NYAP1: variants seen among roughly 807,000 people sequenced by gnomAD.
The protein encoded by NYAP1 is neuronal tyrosine phosphorylated phosphoinositide-3-kinase adaptor 1, also known as neuronal tyrosine-phosphorylated phosphoinositide-3-kinase adapter 1.
A neutral mutation model predicts 58.6 loss-of-function variants in NYAP1; 20 were observed. That is an observed-to-expected ratio of 0.34 (90% CI 0.24 to 0.50). The LOEUF (loss-of-function observed/expected upper bound fraction) is 0.50. Ranked by LOEUF, NYAP1 falls within the 20% of genes least tolerant of loss-of-function variation. The pLI, the probability that NYAP1 is intolerant of heterozygous loss-of-function variation, is 0.98. For synonymous variants in NYAP1, 572 were observed against 523.1 expected (o/e 1.09, Z -1.27); for missense variants, 1,150 against 1,194.5 (o/e 0.96, Z 0.55).
At position 100,488,438 on chromosome 7, in the gene NYAP1, T is replaced by G. The variant is rs1338832603; in HGVS notation, c.717T>G (p.Leu239=). The change falls in exon 4 of 7, where the codon CTT becomes CTG. Residue 239 remains leucine (L), a synonymous_variant. Coordinates refer to ENST00000300179, the MANE Select transcript of NYAP1 (RefSeq NM_173564.4). The surrounding 1 kb of genome is among the most constrained non-coding windows in gnomAD (Gnocchi z 5.9). ...RSGGGLAGPP[L]GGGGPTPPAG... is the part of the protein sequence containing the mutation. ...GAGGAGGCCTGGCTGGGCCCCCTCT[T>G]GGGGGTGGGGGCCCGACCCCTCCAG... is the stretch of plus-strand genomic sequence containing the variant. 16 of 1,603,660 alleles carry G rather than the reference T, an allele frequency of 1.0e-5. No individual in the cohort carries two copies. Among genetic ancestry groups the G allele is most frequent in the Admixed American group, 6.9e-5 (4 of 58,174 alleles).
chr7:100,486,869 C>A lies in NYAP1; in HGVS notation c.117C>A (p.Gly39=). The change falls in exon 3 of 7, where the codon GGC becomes GGA. Residue 39 remains glycine (G), a synonymous_variant. Transcript: ENST00000300179. The surrounding 1 kb of genome is among the most constrained non-coding windows in gnomAD (Gnocchi z 6.2). ...APAGSAGPAA[G]QGPGVRVRDI... ...CTGGCTCGGCTGGGCCCGCGGCCGGCCAGGGGCCTGGGGTCCGCGTGCGGG... is the reference window on the plus strand; with the variant it reads ...CTGGCTCGGCTGGGCCCGCGGCCGGACAGGGGCCTGGGGTCCGCGTGCGGG... 6.5e-7 allele frequency: 1 copy of A among 1,545,120 alleles called. No individual in the cohort carries two copies. The highest frequency in any genetic ancestry group is 1.4e-5 in the African/African-American group (1 of 72,912).
chr7:100,487,286 G>A lies in NYAP1; in HGVS notation c.430+104G>A. Reference sequence around the variant, plus strand: ...GAGGGTTCATTCAGGGAAGAACCAAGGAAGTGGAAGATTCCATTCTCAAAA... The same window carrying A: ...GAGGGTTCATTCAGGGAAGAACCAAAGAAGTGGAAGATTCCATTCTCAAAA... On this transcript the variant is annotated intron_variant, in intron 3 of 6. Coordinates refer to ENST00000300179, the MANE Select transcript of NYAP1 (RefSeq NM_173564.4). This position sits in a 1 kb window ranked among gnomAD's most constrained non-coding sequence, Gnocchi z 4.1. The A allele has an allele frequency of 1.6e-6, 2 of 1,223,536 alleles. No individual in the cohort carries two copies. The allele number at this position is 1,223,536 out of a possible 1,614,324, so 75.8% of individuals were successfully genotyped here.
chr7:100,485,266 G>A lies in NYAP1; in HGVS notation c.-46G>A. On this transcript the variant is annotated 5_prime_UTR_variant, in exon 2 of 7. In the 5' UTR this introduces an upstream ATG that the reference lacks. Transcript: ENST00000300179. This position sits in a 1 kb window ranked among gnomAD's most constrained non-coding sequence, Gnocchi z 5.7. ...CAGGGAGGGCCGCCCCCCGGGCCTGGTGGCACTGAGCAGGGCCCCCCAGCC... is the reference window on the plus strand; with the variant it reads ...CAGGGAGGGCCGCCCCCCGGGCCTGATGGCACTGAGCAGGGCCCCCCAGCC... 7.5e-7 allele frequency: 1 copy of A among 1,330,978 alleles called. No individual in the cohort carries two copies. The highest frequency in any genetic ancestry group is 1.1e-6 in the Non-Finnish European group (1 of 943,270). The allele number at this position is 1,330,978 out of a possible 1,614,324, so 82.4% of individuals were successfully genotyped here.
Position 100,489,060 on chromosome 7 carries a change from G to A in NYAP1, c.1339G>A (p.Ala447Thr), listed in dbSNP as rs748323067. 1.7e-5 allele frequency: 26 copies of A among 1,542,938 alleles called. No homozygotes were observed. Among genetic ancestry groups the A allele is most frequent in the Middle Eastern group, 1.7e-4 (1 of 5,956 alleles). Reference protein sequence around the residue: ...GAPAAPPAPAALLPGPPKDKA... With the variant: ...GAPAAPPAPATLLPGPPKDKA... ...GCCGGCAGCCCCCCCTGCCCCGGCC[G>A]CCTTGCTCCCCGGCCCCCCCAAGGA... The change falls in exon 4 of 7, where the codon GCC (alanine) becomes ACC (threonine). Residue 447 changes from alanine (A) to threonine (T), a missense_variant. By Grantham distance (58) the Ala-to-Thr change is moderately conservative. Transcript: ENST00000300179.
At position 100,488,584 on chromosome 7, in the gene NYAP1, C is replaced by T. The variant is rs574707021; in HGVS notation, c.863C>T (p.Pro288Leu). 20 of 1,611,272 alleles carry T rather than the reference C, an allele frequency of 1.2e-5. No individual in the cohort carries two copies. The highest frequency in any genetic ancestry group is 8.9e-5 in the East Asian group (4 of 44,858). Residue 288 changes from proline (P) to leucine (L), a missense_variant, in exon 4 of 7, where the codon CCG becomes CTG. Physicochemically the swap from Pro to Leu is moderately conservative, Grantham distance 98. Coordinates refer to ENST00000300179, the MANE Select transcript of NYAP1 (RefSeq NM_173564.4). The surrounding 1 kb of genome is among the most constrained non-coding windows in gnomAD (Gnocchi z 5.9). ...NGPPPLTATS[P>L]PQQPHALPPH... ...CCTCCACCATTGACGGCAACATCCC[C>T]GCCACAACAGCCTCACGCCCTTCCG...
rs1185362631 is a variant in NYAP1 at position 100,490,537 on chromosome 7, G to A, written c.1966G>A (p.Ala656Thr). 1 of 1,586,836 alleles carries A rather than the reference G, an allele frequency of 6.3e-7. No individual in the cohort carries two copies. Among genetic ancestry groups the A allele is most frequent in the Non-Finnish European group, 8.6e-7 (1 of 1,166,922 alleles). Residue 656 changes from alanine (A) to threonine (T), a missense_variant, in exon 5 of 7, where the codon GCC (alanine) becomes ACC (threonine). Ala to Thr is a moderately conservative substitution (Grantham distance 58). Coordinates refer to ENST00000300179, the MANE Select transcript of NYAP1 (RefSeq NM_173564.4). The surrounding 1 kb of genome is among the most constrained non-coding windows in gnomAD (Gnocchi z 4.6). ...ELDKVEDGAR[A>T]WNGSAEGPGK... Reference sequence around the variant, plus strand: ...AGCAGAGGTCGAGGACGGTGCCCGGGCCTGGAATGGCAGTGCCGAGGGTCC... The same window carrying A: ...AGCAGAGGTCGAGGACGGTGCCCGGACCTGGAATGGCAGTGCCGAGGGTCC...
In NYAP1 at chr7:100,493,657, G is replaced by A. The variant is rs1368685450; in HGVS notation, c.2280G>A (p.Ala760=). The A allele has an allele frequency of 1.9e-6, 3 of 1,579,990 alleles. No individual in the cohort carries two copies. The highest frequency in any genetic ancestry group is 1.1e-5 in the South Asian group (1 of 88,282). Residue 760 remains alanine (A), a synonymous_variant, in exon 7 of 7, where the codon GCG becomes GCA. Transcript: ENST00000300179. Reference sequence around the variant, plus strand: ...CGCCCGCGGCACAGCCCCACCCCGCGCTGCCGCTGCCTCTGCCCCTGCCGC... The same window carrying A: ...CGCCCGCGGCACAGCCCCACCCCGCACTGCCGCTGCCTCTGCCCCTGCCGC... The part of the protein sequence containing the change: ...PRDALSQPHP[A]LPLPLPLPPQ...
chr7:100,493,958 GCT>G lies in NYAP1; in HGVS notation c.*59_*60del. 2 of 1,343,866 alleles carry G rather than the reference GCT, an allele frequency of 1.5e-6. No homozygotes were observed. The highest frequency in any genetic ancestry group is 1.9e-6 in the Non-Finnish European group (2 of 1,030,498). 83.2% of individuals were successfully genotyped at this position (1,343,866 alleles called of 1,614,324 possible). On this transcript the variant is annotated 3_prime_UTR_variant, in exon 7 of 7. Transcript: ENST00000300179. ...ACTGGGGAGGGGGCGGGCACGCCTG[GCT>G]CTCCCGGGAGCCTCGCCTTGAGAGA...
Position 100,488,286 on chromosome 7 carries a change from G to T in NYAP1, c.565G>T (p.Gly189Trp), listed in dbSNP as rs769804984. The T allele has an allele frequency of 3.1e-6, 5 of 1,613,794 alleles. No individual in the cohort carries two copies. Among genetic ancestry groups the T allele is most frequent in the Non-Finnish European group, 4.2e-6 (5 of 1,179,900 alleles). Residue 189 changes from glycine to tryptophan, a missense_variant, in exon 4 of 7, where the codon GGG (glycine) becomes TGG (tryptophan). By Grantham distance (184) the Gly-to-Trp change is radical (BLOSUM62 -2). Coordinates refer to ENST00000300179, the MANE Select transcript of NYAP1 (RefSeq NM_173564.4). The surrounding 1 kb of genome is among the most constrained non-coding windows in gnomAD (Gnocchi z 5.9). ...SCPPGPSPRG[G>W]NLPLQRLTRG... Reference sequence around the variant, plus strand: ...CCCCCCAGGCCCCTCTCCTCGAGGGGGGAACCTGCCTCTTCAGCGCCTCAC... The same window carrying T: ...CCCCCCAGGCCCCTCTCCTCGAGGGTGGAACCTGCCTCTTCAGCGCCTCAC...
At chr7:100,484,249 C>T (rs1266441561) in intron 1 of NYAP1, among the ~76,000 whole-genome samples, 1 of 150,906 alleles carries the variant, frequency 6.6e-6, no homozygotes, top group African/African-American at 2.4e-5. Context: ...AGGCTGAAGG[C>T]GAAAAGAAGA....
intron 1 of NYAP1, among the ~76,000 whole-genome samples, chr7:100,484,477 G>C (rs993430667): frequency 2.0e-5 from 3 of 152,108 alleles, no homozygotes; most frequent in Non-Finnish European, 4.4e-5. Context: ...GGGCCAGGGA[G>C]CCAGAATCGG....
In NYAP1 at chr7:100,493,915, G is replaced by T; in HGVS notation, c.*12G>T. 2 of 1,428,558 alleles carry T rather than the reference G, an allele frequency of 1.4e-6. No homozygotes were observed. Among genetic ancestry groups the T allele is most frequent in the African/African-American group, 1.5e-5 (1 of 66,808 alleles). 88.5% of individuals were successfully genotyped at this position (1,428,558 alleles called of 1,614,324 possible). A position where few individuals can be genotyped will look rare whatever the true frequency, so the allele number is the denominator to read the frequency against. On this transcript the variant is annotated 3_prime_UTR_variant, in exon 7 of 7. Transcript: ENST00000300179. ...ACACCGCCATCTGAGGCGGGCGGGG[G>T]GGTACCGGGGCGCCTGGACTGGGGA... is the stretch of plus-strand genomic sequence containing the variant.
Position 100,491,082 on chromosome 7 carries a change from A to G in NYAP1, c.2255A>G (p.Asp752Gly). Reference protein sequence around the residue: ...HTPRPCSQPRDALSQPHPALP... With the variant: ...HTPRPCSQPRGALSQPHPALP... ...CCCCGGCCCTGCAGCCAGCCCAGGG[A>G]TGCCCTGAGCCAGGTGAGGCTTGGT... Residue 752 changes from aspartate (D) to glycine (G), a missense_variant, in exon 6 of 7, where the codon GAT (aspartate) becomes GGT (glycine). By Grantham distance (94) the Asp-to-Gly change is moderately conservative. Transcript: ENST00000300179. The G allele has an allele frequency of 6.4e-7, 1 of 1,554,710 alleles. No individual in the cohort carries two copies.
In NYAP1 at chr7:100,489,026, G is replaced by A. The variant is rs768899386; in HGVS notation, c.1305G>A (p.Ala435=). The change falls in exon 4 of 7, where the codon GCG becomes GCA. Residue 435 remains alanine, a synonymous_variant. Transcript: ENST00000300179. ...PNSHSMICPK[A]AGAPAAPPAP... ...CCCACAGCATGATCTGCCCTAAGGC[G>A]GCGGGGGCGCCGGCAGCCCCCCCTG... 19 of 1,551,528 alleles carry A rather than the reference G, an allele frequency of 1.2e-5. No individual in the cohort carries two copies. The highest frequency in any genetic ancestry group is 4.7e-5 in the South Asian group (4 of 85,736).
At chr7:100,492,390 C>G (rs1438051003) in intron 6 of NYAP1, among the ~76,000 whole-genome samples, 1 of 152,148 alleles carries the variant, frequency 6.6e-6, no homozygotes, top group Admixed American at 6.6e-5. Context: ...GCTTGGAGAT[C>G]AGTCAGGGCC....
In NYAP1 at chr7:100,488,900, C is replaced by A; in HGVS notation, c.1179C>A (p.Asn393Lys). The change falls in exon 4 of 7, where the codon AAC becomes AAA. Residue 393 changes from asparagine to lysine, a missense_variant. By Grantham distance (94) the Asn-to-Lys change is moderately conservative. Coordinates refer to ENST00000300179, the MANE Select transcript of NYAP1 (RefSeq NM_173564.4). The surrounding 1 kb of genome is among the most constrained non-coding windows in gnomAD (Gnocchi z 5.9). The part of the protein sequence containing the change: ...PPPPPPPPAA[N>K]LLLLGPSGRA... ...CACCGCCTCCACCTCCTGCTGCCAA[C>A]CTGCTGCTGCTGGGACCATCGGGCC... 6.3e-7 allele frequency: 1 copy of A among 1,597,558 alleles called. No homozygotes were observed. Among genetic ancestry groups the A allele is most frequent in the Non-Finnish European group, 8.5e-7 (1 of 1,175,050 alleles).
At position 100,487,010 on chromosome 7, in the gene NYAP1, C is replaced by G. The variant is rs536687679; in HGVS notation, c.258C>G (p.His86Gln). 6.2e-7 allele frequency: 1 copy of G among 1,609,622 alleles called. No homozygotes were observed. The highest frequency in any genetic ancestry group is 1.1e-5 in the South Asian group (1 of 90,782). ...SAMAPRSLSC[H>Q]SVGSMDSVGG... ...TGGCCCCACGCTCCCTCTCCTGCCA[C>G]TCGGTGGGCAGCATGGACAGTGTCG... The change falls in exon 3 of 7, where the codon CAC becomes CAG. Residue 86 changes from histidine (H) to glutamine (Q), a missense_variant. Transcript: ENST00000300179. This position sits in a 1 kb window ranked among gnomAD's most constrained non-coding sequence, Gnocchi z 4.1.
chr7:100,484,755 G>GA (rs1799682813), intron 1 of NYAP1, among the ~76,000 whole-genome samples: 1 of 152,066 alleles, frequency 6.6e-6, no homozygotes, highest in South Asian at 2.1e-4. Flanking sequence ...CTGTGTAGCA[G>GA]ATTTGTGTGT....
At position 100,490,842 on chromosome 7, in the gene NYAP1, C is replaced by A; in HGVS notation, c.2158+113C>A. The A allele has an allele frequency of 1.7e-6, 2 of 1,148,104 alleles. No homozygotes were observed. Among genetic ancestry groups the A allele is most frequent in the Non-Finnish European group, 2.4e-6 (2 of 820,034 alleles). The allele number at this position is 1,148,104 out of a possible 1,614,324, so 71.1% of individuals were successfully genotyped here. The stretch of plus-strand genomic sequence containing the variant: ...CCTGTTCACGTCTGTGCCCAGGGCC[C>A]TAAATCCTCATACCACATCTCCACC... On this transcript the variant is annotated intron_variant, in intron 5 of 6. Transcript: ENST00000300179. The surrounding 1 kb of genome is among the most constrained non-coding windows in gnomAD (Gnocchi z 4.6).
Sources: allele counts gnomAD v4.1 joint callset (sites outside exome capture counted in the v4.1 genomes callset), GRCh38; gene constraint gnomAD v4.1.1; non-coding constraint Gnocchi (gnomAD v3.1); transcripts MANE v1.5; gene names NCBI Gene and HGNC (gene_info 2026-07-23, HGNC 2026-07-21).